Variants in COQ6 observed in about 807,000 individuals in gnomAD.
COQ6 encodes coenzyme Q6, monooxygenase, also known as ubiquinone biosynthesis monooxygenase COQ6, mitochondrial.
A neutral mutation model predicts 55.5 loss-of-function variants in COQ6; 45 were observed. The ratio of observed to expected loss-of-function variants is 0.81; its 90% CI spans 0.64 to 1.04. The LOEUF (loss-of-function observed/expected upper bound fraction) is 1.04. Ranked by LOEUF, COQ6 falls within the 50% of genes least tolerant of loss-of-function variation. The pLI is 0.00. For missense variants in COQ6, 550 were observed against 601.3 expected, an observed-to-expected ratio of 0.91 and a Z score of 0.89; for synonymous variants, 206 against 230.5, an observed-to-expected ratio of 0.89 and a Z score of 0.96.
intron 1 of COQ6, chr14:73,950,735 C>T (rs973542216): frequency 8.7e-6 from 5 of 573,442 alleles, no homozygotes; most frequent in Non-Finnish European, 1.5e-5. Flanking sequence ...AACAGGCCTT[C>T]CCGGGGTTAT....
intron 1 of COQ6, among the ~76,000 whole-genome samples, chr14:73,951,525 A>G (rs1251118237): frequency 6.7e-6 from 1 of 148,910 alleles, no homozygotes; most frequent in African/African-American, 2.5e-5. Flanking sequence ...ACGGGGTTTC[A>G]CCATATTGGC....
At chr14:73,960,775 G>C (rs1225996975) in intron 8 of COQ6, 2 of 403,740 alleles carry the variant, frequency 5.0e-6, no homozygotes, top group Non-Finnish European at 8.7e-6. Flanking sequence ...GACTGGAGGA[G>C]TTAAAAAGAG....
At position 73,950,316 on chromosome 14, in the gene COQ6, C is replaced by T; in HGVS notation, c.-17C>T. ...GGGCCTGCGGGAGTTCTGAGTGCGA[C>T]GGCGCAGGTCTGCACCATGGCGGCC... is the stretch of plus-strand genomic sequence containing the variant. On this transcript the variant is annotated 5_prime_UTR_variant, in exon 1 of 12. It adds an upstream start codon to the 5' untranslated region. Transcript: ENST00000334571. The T allele has an allele frequency of 1.3e-6, 2 of 1,546,292 alleles. No individual in the cohort carries two copies. Among genetic ancestry groups the T allele is most frequent in the Non-Finnish European group, 1.7e-6 (2 of 1,149,180 alleles).
intron 8 of COQ6, chr14:73,960,450 A>C: frequency 1.0e-6 from 1 of 989,372 alleles, no homozygotes; most frequent in Non-Finnish European, 1.2e-6. Flanking sequence ...CACACCAAAG[A>C]CTCCACTGCT....
At chr14:73,955,954 A>G (rs2056410796) in intron 4 of COQ6, 26 bp downstream of exon 4, 1 of 1,613,668 alleles carries the variant, frequency 6.2e-7, no homozygotes, top group Non-Finnish European at 8.5e-7. Context: ...TCCACCTTGC[A>G]TTCATTGGGA....
At chr14:73,959,795 C>G in intron 8 of COQ6, 1 of 1,256,664 alleles carries the variant, frequency 8.0e-7, no homozygotes, top group East Asian at 3.1e-5. Flanking sequence ...GTCTCAAACT[C>G]CTGACCTCAA....
At chr14:73,957,101 AT>A (rs1418106208) in intron 4 of COQ6, among the ~76,000 whole-genome samples, 47 of 143,546 alleles carry the variant, frequency 3.3e-4, no homozygotes, top group Admixed American at 5.6e-4. Context: ...TATTATTATT[AT>A]TTTTTTTTTT....
chr14:73,961,757 GGTTATGAAA>G lies in COQ6; in HGVS notation c.1232_1240del (p.Gly411_Thr414delinsAla). The G allele has an allele frequency of 6.2e-7, 1 of 1,614,194 alleles. No individual in the cohort carries two copies. Among genetic ancestry groups the G allele is most frequent in the Non-Finnish European group, 8.5e-7 (1 of 1,180,018 alleles). On this transcript the variant is annotated inframe_deletion, in exon 11 of 12. Coordinates refer to ENST00000334571, the MANE Select transcript of COQ6 (RefSeq NM_182476.3). ...TTCAGGTTCCGTGAGCCACCTCACA[GGTTATGAAA>G]CAGAAAGACAGCGTCACAACACTGC...
intron 2 of COQ6, among the ~76,000 whole-genome samples, chr14:73,954,936 C>CTTTTTT (rs35787543): frequency 2.1e-4 from 27 of 126,156 alleles, no homozygotes; most frequent in African/African-American, 3.2e-4. Context: ...GAAGCTGAGT[C>CTTTTTT]TTTTTTTTTT....
At chr14:73,962,935 G>A (rs2056818957) in intron 11 of COQ6, 35 bp from the exon 12 acceptor site, 2 of 1,538,092 alleles carry the variant, frequency 1.3e-6, no homozygotes, top group South Asian at 1.1e-5. Context: ...ACCTTACTGT[G>A]TTAAGAGTTT....
At chr14:73,952,928 C>T (rs2056256808) in intron 1 of COQ6, among the ~76,000 whole-genome samples, 2 of 152,226 alleles carry the variant, frequency 1.3e-5, no homozygotes, top group African/African-American at 2.4e-5. Context: ...CTGTCCACCT[C>T]GGCCTTCAAA....
At chr14:73,951,037 C>T (rs1246411761) in intron 1 of COQ6, among the ~76,000 whole-genome samples, 1 of 152,230 alleles carries the variant, frequency 6.6e-6, no homozygotes, top group Non-Finnish European at 1.5e-5. Flanking sequence ...TTCCGCTGTG[C>T]CCAGGCTGCA....
Position 73,950,307 on chromosome 14 carries a change from T to C in COQ6, c.-26T>C, listed in dbSNP as rs2056134716. 1.0e-5 allele frequency: 16 copies of C among 1,544,452 alleles called. No individual in the cohort carries two copies. In the East Asian group the frequency reaches 3.6e-4, roughly 35 times the overall value. On this transcript the variant is annotated 5_prime_UTR_variant, in exon 1 of 12. Coordinates refer to ENST00000334571, the MANE Select transcript of COQ6 (RefSeq NM_182476.3). ...TACGTAGGTGGGCCTGCGGGAGTTC[T>C]GAGTGCGACGGCGCAGGTCTGCACC...
At position 73,959,186 on chromosome 14, in the gene COQ6, C is replaced by T. The variant is rs2056586400; in HGVS notation, c.745C>T (p.Gln249Ter). 1 of 1,614,238 alleles carries T rather than the reference C, an allele frequency of 6.2e-7. No individual in the cohort carries two copies. Among genetic ancestry groups the T allele is most frequent in the Non-Finnish European group, 8.5e-7 (1 of 1,180,038 alleles). Residue 249 changes from glutamine to a stop codon, truncating the protein, a stop_gained, in exon 7 of 12, where the codon CAG (glutamine) becomes TAG (stop). Coordinates refer to ENST00000334571, the MANE Select transcript of COQ6 (RefSeq NM_182476.3). LOFTEE classifies it high-confidence loss of function. Reference protein sequence around the residue: ...SEATENNVAWQRFLPSGPIAL... With the variant: ...SEATENNVAW ...GGCCACAGAAAACAACGTAGCCTGG[C>T]AGAGATTTCTTCCCTCTGGGCCTAT...
Position 73,953,552 on chromosome 14 carries a change from C to T in COQ6, c.281C>T (p.Ser94Phe). 6.2e-7 allele frequency: 1 copy of T among 1,614,234 alleles called. No individual in the cohort carries two copies. The change falls in exon 2 of 12, where the codon TCT (serine) becomes TTT (phenylalanine). Residue 94 changes from serine (S) to phenylalanine (F), a missense_variant. Physicochemically the swap from Ser to Phe is radical, Grantham distance 155. Transcript: ENST00000334571. ...AGGGTCAGCTCCATTTCCCCTGGCT[C>T]TGCAACGCTTCTCAGTAGTGAGTAG... The part of the protein sequence containing the change: ...SNRVSSISPG[S>F]ATLLSSFGAW...
intron 8 of COQ6, 39 bp downstream of exon 8, chr14:73,959,561 G>T: frequency 6.2e-7 from 1 of 1,614,094 alleles, no homozygotes; most frequent in Non-Finnish European, 8.5e-7. Flanking sequence ...GTGCTGCAGG[G>T]GGAGATACAG....
At chr14:73,960,904 C>T (rs1052987441) in intron 8 of COQ6, 20 of 545,920 alleles carry the variant, frequency 3.7e-5, no homozygotes, top group East Asian at 1.4e-4. Context: ...GTGGCTGGTG[C>T]GTGGTTATTG....
intron 1 of COQ6, 88 bp downstream of exon 1, chr14:73,950,583 A>T: frequency 6.7e-7 from 1 of 1,498,140 alleles, no homozygotes; most frequent in Non-Finnish European, 8.9e-7. Flanking sequence ...GACTTGCCCA[A>T]AGACAATTTC....
At chr14:73,951,526 C>T (rs915720150) in intron 1 of COQ6, among the ~76,000 whole-genome samples, 1 of 151,234 alleles carries the variant, frequency 6.6e-6, no homozygotes, top group African/African-American at 2.4e-5. Context: ...CGGGGTTTCA[C>T]CATATTGGCC....
Sources: gnomAD v4.1 joint callset for allele counts (sites outside exome capture counted in the v4.1 genomes callset) on GRCh38, gnomAD v4.1.1 for gene constraint, MANE v1.5 for transcripts, NCBI Gene and HGNC (gene_info 2026-07-23, HGNC 2026-07-21) for gene names.